The following SLC25A48 variants were observed in gnomAD, a reference collection of about 807,000 sequenced individuals.
SLC25A48 encodes the protein solute carrier family 25 member 48, also known as CTC-321K16.1.
In SLC25A48, 29 loss-of-function variants were observed where a neutral mutation model predicts 32.2. The observed-to-expected ratio is 0.90, with a 90% confidence interval of 0.67 to 1.23. The LOEUF is 1.23. SLC25A48 is among the 50% of genes most tolerant of loss of function. The pLI is 0.00. For synonymous variants in SLC25A48, 164 were observed against 172.3 expected (o/e 0.95, Z 0.38); for missense variants, 399 against 422.7 (o/e 0.94, Z 0.49).
intron 3 of SLC25A48, among the ~76,000 whole-genome samples, chr5:135,776,390 A>G (rs1756561876): frequency 6.6e-6 from 1 of 151,586 alleles, no homozygotes; most frequent in African/African-American, 2.4e-5. Context: ...TATCGTGGGG[A>G]ATGTACACAC....
At chr5:135,638,983 C>G (rs1405027144) in intron 3 of SLC25A48, among the ~76,000 whole-genome samples, 1 of 152,212 alleles carries the variant, frequency 6.6e-6, no homozygotes, top group Non-Finnish European at 1.5e-5. Flanking sequence ...TCACCTTCTT[C>G]TTCTAACTAA....
chr5:135,629,294 G>C lies in SLC25A48; in HGVS notation c.-791G>C, dbSNP rs985165414. On this transcript the variant is annotated 5_prime_UTR_variant, in exon 2 of 11. Transcript: ENST00000646290. This position sits in a 1 kb window ranked among gnomAD's most constrained non-coding sequence, Gnocchi z 4.8. ...AACCCTGCTGGACGTTGGATGTACA[G>C]CCAAACACCTGGGTTGGGAATGCAG... 1 of 152,228 alleles carries C rather than the reference G, an allele frequency of 6.6e-6. No individual in the cohort carries two copies. Among genetic ancestry groups the C allele is most frequent in the African/African-American group, 2.4e-5 (1 of 41,452 alleles). 9.4% of individuals were successfully genotyped at this position (152,228 alleles called of 1,614,324 possible).
At chr5:135,717,818 A>G (rs1340505654) in intron 3 of SLC25A48, among the ~76,000 whole-genome samples, 1 of 152,188 alleles carries the variant, frequency 6.6e-6, no homozygotes, top group Admixed American at 6.5e-5. Context: ...CTGAGAGAAT[A>G]CAGTTCTGTT....
At chr5:135,603,717 TC>T (rs1429906000) in intron 1 of SLC25A48, among the ~76,000 whole-genome samples, 1 of 152,168 alleles carries the variant, frequency 6.6e-6, no homozygotes, top group Non-Finnish European at 1.5e-5. Flanking sequence ...AGGACACAGC[TC>T]CCCAGACTTA....
chr5:135,849,996 G>C (rs1759711916), intron 2 of SLC25A48, among the ~76,000 whole-genome samples: 1 of 152,220 alleles, frequency 6.6e-6, no homozygotes, highest in Admixed American at 6.5e-5. Flanking sequence ...CAGGAGACCA[G>C]GGAGGGCTTC....
intron 1 of SLC25A48, among the ~76,000 whole-genome samples, chr5:135,837,601 T>C (rs773258540): frequency 9.9e-5 from 15 of 152,212 alleles, no homozygotes; most frequent in African/African-American, 3.6e-4. Flanking sequence ...TGGGAGGTAA[T>C]TGAATCATGG....
chr5:135,842,391 C>A (rs1389275074), intron 1 of SLC25A48, 25 bp from the exon 2 acceptor site: 2 of 1,613,264 alleles, frequency 1.2e-6, no homozygotes, highest in Non-Finnish European at 1.7e-6. Flanking sequence ...GGCTGAGTTA[C>A]TAGGCATTCT....
intron 3 of SLC25A48, among the ~76,000 whole-genome samples, chr5:135,757,132 C>G (rs1580846339): frequency 6.7e-6 from 1 of 149,554 alleles, no homozygotes; most frequent in Non-Finnish European, 1.5e-5. Flanking sequence ...TGTTAACACA[C>G]CATGATATGA....
intron 3 of SLC25A48, among the ~76,000 whole-genome samples, chr5:135,699,922 A>G (rs538269571): frequency 6.2e-4 from 95 of 152,280 alleles, no homozygotes; most frequent in African/African-American, 2.1e-3. Context: ...TTTTTACCCA[A>G]TGAGGAGATG....
chr5:135,818,982 G>A (rs1757810282), intron 4 of SLC25A48, among the ~76,000 whole-genome samples: 1 of 151,972 alleles, frequency 6.6e-6, no homozygotes, highest in Non-Finnish European at 1.5e-5. Context: ...ATGTCAAGAG[G>A]AAAGAGTCTG....
intron 4 of SLC25A48, among the ~76,000 whole-genome samples, chr5:135,861,827 A>G (rs767082205): frequency 1.3e-5 from 2 of 152,224 alleles, no homozygotes; most frequent in Non-Finnish European, 2.9e-5. Flanking sequence ...GAGTTTTACC[A>G]AATCATATAA....
At chr5:135,698,668 G>A (rs1448387529) in intron 3 of SLC25A48, among the ~76,000 whole-genome samples, 1 of 151,940 alleles carries the variant, frequency 6.6e-6, no homozygotes, top group East Asian at 1.9e-4. Context: ...GAATACAAAG[G>A]GCACTAGCCG....
At chr5:135,685,178 A>G (rs1033972485) in intron 3 of SLC25A48, among the ~76,000 whole-genome samples, 1 of 151,958 alleles carries the variant, frequency 6.6e-6, no homozygotes, top group Non-Finnish European at 1.5e-5. Flanking sequence ...TCTTTTTGTT[A>G]TGTCTAAAGC....
chr5:135,805,237 C>G (rs1193687987), intron 3 of SLC25A48, among the ~76,000 whole-genome samples: 1 of 149,920 alleles, frequency 6.7e-6, no homozygotes, highest in Non-Finnish European at 1.5e-5. Context: ...TGTGTGTACA[C>G]CCGGGATATT....
intron 4 of SLC25A48, among the ~76,000 whole-genome samples, chr5:135,825,454 A>G (rs990180680): frequency 1.3e-5 from 2 of 152,144 alleles, no homozygotes; most frequent in Non-Finnish European, 1.5e-5. Flanking sequence ...TTTTAATCCC[A>G]GACACACCCC....
At chr5:135,836,840 A>G (rs977728108) in intron 1 of SLC25A48, among the ~76,000 whole-genome samples, 4 of 152,172 alleles carry the variant, frequency 2.6e-5, no homozygotes, top group African/African-American at 4.8e-5. Flanking sequence ...CCATGCATCT[A>G]GCATTGGCAC....
At chr5:135,767,593 T>A (rs917303261) in intron 3 of SLC25A48, among the ~76,000 whole-genome samples, 2 of 151,850 alleles carry the variant, frequency 1.3e-5, no homozygotes, top group African/African-American at 4.8e-5. Flanking sequence ...AGGAAGAGGA[T>A]GTGATTACTC....
chr5:135,689,226 T>C (rs1171776946), intron 3 of SLC25A48, among the ~76,000 whole-genome samples: 1 of 152,176 alleles, frequency 6.6e-6, no homozygotes, highest in African/African-American at 2.4e-5. Flanking sequence ...TATCAGTCCC[T>C]TCTGTTTCAT....
At chr5:135,744,349 C>G (rs55796758) in intron 3 of SLC25A48, among the ~76,000 whole-genome samples, 61,608 of 141,852 alleles carry the variant, frequency 0.43, 14,367 homozygotes, top group Non-Finnish European at 0.56. Flanking sequence ...CTATTTTTCT[C>G]TCCATTTTTT....
Sources: allele counts gnomAD v4.1 joint callset (sites outside exome capture counted in the v4.1 genomes callset), GRCh38; gene constraint gnomAD v4.1.1; non-coding constraint Gnocchi (gnomAD v3.1); transcripts MANE v1.5; gene names NCBI Gene and HGNC (gene_info 2026-07-23, HGNC 2026-07-21).